Variants in VOPP1 observed in about 807,000 individuals in gnomAD.
The protein encoded by VOPP1 is VOPP1 WW domain binding protein.
VOPP1 carries 8 observed loss-of-function variants against 23.5 expected under a neutral mutation model. That is an observed-to-expected ratio of 0.34 (90% CI 0.20 to 0.61). The LOEUF is 0.61. Among genes scored for constraint, VOPP1 ranks in the 20% least tolerant of loss-of-function variants. VOPP1 has a pLI of 0.78. For synonymous variants in VOPP1, 83 were observed against 97.3 expected, an observed-to-expected ratio of 0.85 and a Z score of 0.86; for missense variants, 174 against 238.1, an observed-to-expected ratio of 0.73 and a Z score of 1.77.
At chr7:55,533,629 G>T (rs1042439904) in intron 1 of VOPP1, among the ~76,000 whole-genome samples, 2 of 152,166 alleles carry the variant, frequency 1.3e-5, no homozygotes, top group Non-Finnish European at 2.9e-5. Flanking sequence ...AGCTTCTTCA[G>T]ATGGAAGGGA....
At chr7:55,485,210 C>T (rs540380836) in intron 4 of VOPP1, among the ~76,000 whole-genome samples, 8 of 152,312 alleles carry the variant, frequency 5.3e-5, no homozygotes, top group African/African-American at 9.6e-5. Context: ...ATCATCATCA[C>T]GTGCGCAGGT....
At chr7:55,514,598 GAC>G (rs1795286201) in intron 2 of VOPP1, among the ~76,000 whole-genome samples, 1 of 152,204 alleles carries the variant, frequency 6.6e-6, no homozygotes, top group African/African-American at 2.4e-5. Flanking sequence ...AAATCAGCAA[GAC>G]AGGCTCCCAG....
rs1377822513 is a variant in VOPP1 at position 55,572,431 on chromosome 7, C to G, written c.-107G>C. 12 of 812,696 alleles carry G rather than the reference C, an allele frequency of 1.5e-5. No individual in the cohort carries two copies. The highest frequency in any genetic ancestry group is 5.5e-5 in the Admixed American group (1 of 18,270). 50.3% of individuals were successfully genotyped at this position (812,696 alleles called of 1,614,324 possible). ...GGCAGACTGCAGCCGGGAGCCGTCC[C>G]GCCGACCGCTGGGGGGCCCGGCTGG... is the stretch of plus-strand genomic sequence containing the variant. On this transcript the variant is annotated 5_prime_UTR_variant, in exon 1 of 5. Coordinates refer to ENST00000285279, the MANE Select transcript of VOPP1 (RefSeq NM_030796.5).
intron 2 of VOPP1, among the ~76,000 whole-genome samples, chr7:55,516,864 T>G (rs191795570): frequency 7.0e-6 from 1 of 142,176 alleles, no homozygotes; most frequent in Non-Finnish European, 1.5e-5. Flanking sequence ...AAATGAAATG[T>G]AGAATATACT....
At chr7:55,462,908 G>A (rs554873039) in intron 4 of VOPP1, among the ~76,000 whole-genome samples, 8 of 148,430 alleles carry the variant, frequency 5.4e-5, no homozygotes, top group Admixed American at 2.7e-4. Context: ...CGCCCGCCTC[G>A]GCCTCCCAAT....
At chr7:55,456,089 A>C (rs2129002623) in intron 4 of VOPP1, among the ~76,000 whole-genome samples, 1 of 152,344 alleles carries the variant, frequency 6.6e-6, no homozygotes, top group East Asian at 1.9e-4. Context: ...TCTACAAAGA[A>C]CTTAAACAAA....
intron 4 of VOPP1, among the ~76,000 whole-genome samples, chr7:55,459,700 G>A (rs1393638608): frequency 6.6e-6 from 1 of 151,938 alleles, no homozygotes; most frequent in African/African-American, 2.4e-5. Flanking sequence ...GTGTTTCTGT[G>A]GTATCAGTTA....
At chr7:55,441,628 C>T (rs1200414611) in intron 4 of VOPP1, among the ~76,000 whole-genome samples, 1 of 152,194 alleles carries the variant, frequency 6.6e-6, no homozygotes. Context: ...AAGTAATGGA[C>T]ATCAGACAGT....
At chr7:55,505,961 G>A (rs140225418) in intron 2 of VOPP1, among the ~76,000 whole-genome samples, 159 of 152,254 alleles carry the variant, frequency 1.0e-3, no homozygotes, top group African/African-American at 3.4e-3. Context: ...CTGATGCCCC[G>A]TCTCACGGTC....
chr7:55,499,681 C>T (rs1471841151), intron 2 of VOPP1, among the ~76,000 whole-genome samples: 1 of 152,144 alleles, frequency 6.6e-6, no homozygotes, highest in African/African-American at 2.4e-5. Context: ...GAGGTGACGT[C>T]TGAAAAGAGA....
At chr7:55,546,805 A>G (rs148357530) in intron 1 of VOPP1, among the ~76,000 whole-genome samples, 1,671 of 152,360 alleles carry the variant, frequency 0.011, 11 homozygotes, top group Middle Eastern at 0.02. Context: ...GCGATGGAGC[A>G]GAGGCCAGCA....
chr7:55,499,983 T>C (rs775745266), intron 2 of VOPP1, among the ~76,000 whole-genome samples: 38 of 152,160 alleles, frequency 2.5e-4, no homozygotes, highest in Non-Finnish European at 4.9e-4. Flanking sequence ...TCGAGGGAGA[T>C]GAAGGACTTC....
rs748203657 is a variant in VOPP1 at position 55,492,334 on chromosome 7, C to T, written c.276G>A (p.Glu92=). 6.2e-7 allele frequency: 1 copy of T among 1,610,860 alleles called. No individual in the cohort carries two copies. Among genetic ancestry groups the T allele is most frequent in the Non-Finnish European group, 8.5e-7 (1 of 1,178,602 alleles). Residue 92 remains glutamate (E), a synonymous_variant, in exon 4 of 5, where the codon GAG becomes GAA. Transcript: ENST00000285279. ...RRRMYPPPLI[E]EPAFNVSYTR... is the part of the protein sequence containing the mutation. Reference sequence around the variant, plus strand: ...TGTAGGACACATTGAAGGCTGGCTCCTCGATCAGCGGCGGGGGGTACATGC... The same window carrying T: ...TGTAGGACACATTGAAGGCTGGCTCTTCGATCAGCGGCGGGGGGTACATGC...
At position 55,480,615 on chromosome 7, in the gene VOPP1, C is replaced by G. The variant is rs576838014; in HGVS notation, c.329-7570G>C. Among the ~76,000 whole-genome samples the G allele has an allele frequency of 1.2e-3, 184 of 152,308 alleles. 1 individual carries two copies. The highest frequency in any genetic ancestry group is 2.1e-3 in the Non-Finnish European group (142 of 68,022). On this transcript the variant is annotated intron_variant, in intron 4 of 4. Coordinates refer to ENST00000285279, the MANE Select transcript of VOPP1 (RefSeq NM_030796.5). ...CTTCCCAGGCTTAATTTTACCCACT[C>G]TTTATATATTTCTGTGACTTTATTA...
intron 4 of VOPP1, among the ~76,000 whole-genome samples, chr7:55,444,966 C>T (rs1263168118): frequency 6.6e-6 from 1 of 152,144 alleles, no homozygotes; most frequent in Non-Finnish European, 1.5e-5. Context: ...CTCTCTTTGG[C>T]TTCTTTCTCT....
At chr7:55,456,319 G>C (rs1038642238) in intron 4 of VOPP1, among the ~76,000 whole-genome samples, 1 of 152,196 alleles carries the variant, frequency 6.6e-6, no homozygotes, top group Middle Eastern at 3.2e-3. Context: ...AGAGGATGTG[G>C]AGAAATAGGA....
chr7:55,512,637 G>A (rs145254681), intron 2 of VOPP1, among the ~76,000 whole-genome samples: 1 of 152,346 alleles, frequency 6.6e-6, no homozygotes, highest in East Asian at 1.9e-4. Flanking sequence ...CGAAGGCTGT[G>A]CTCCATCTCC....
At chr7:55,474,059 A>T (rs1792049035) in intron 4 of VOPP1, among the ~76,000 whole-genome samples, 2 of 152,262 alleles carry the variant, frequency 1.3e-5, no homozygotes, top group South Asian at 4.1e-4. Flanking sequence ...GAGCATGTAG[A>T]ACAGAAGCAC....
chr7:55,468,230 C>G (rs1207111839), downstream of VOPP1, among the ~76,000 whole-genome samples: 1 of 147,530 alleles, frequency 6.8e-6, no homozygotes, highest in Non-Finnish European at 1.5e-5. Context: ...GAGATTGCAC[C>G]ACTGCACTCC....
Sources: allele counts gnomAD v4.1 joint callset (sites outside exome capture counted in the v4.1 genomes callset), GRCh38; gene constraint gnomAD v4.1.1; transcripts MANE v1.5; gene names NCBI Gene and HGNC (gene_info 2026-07-23, HGNC 2026-07-21).